SYN2: variants seen among roughly 807,000 people sequenced by gnomAD.
SYN2 encodes the protein synapsin II, also known as synapsin-2.
Under a neutral mutation model 50.9 loss-of-function variants are expected in SYN2, and 19 were observed. The observed-to-expected ratio is 0.37, with a 90% confidence interval of 0.26 to 0.55. The LOEUF (loss-of-function observed/expected upper bound fraction) is 0.55. Among genes scored for constraint, SYN2 ranks in the 20% least tolerant of loss-of-function variants. SYN2 has a pLI of 0.81. For synonymous variants in SYN2, 255 were observed against 224.9 expected (o/e 1.13, Z -1.20); for missense variants, 587 against 576.4 (o/e 1.02, Z -0.19).
chr3:12,140,536 T>C, intron 1 of SYN2, 115 bp from the exon 2 acceptor site: 1 of 709,336 alleles, frequency 1.4e-6, no homozygotes, highest in Admixed American at 2.0e-5. Flanking sequence ...AACCCAGGTC[T>C]CTTGACCCTC....
chr3:12,117,726 C>T (rs568490943), intron 1 of SYN2, among the ~76,000 whole-genome samples: 4 of 152,316 alleles, frequency 2.6e-5, no homozygotes, highest in Middle Eastern at 3.4e-3. Context: ...AGTTTTAAAT[C>T]TTCTCCTCTG....
chr3:12,037,274 CT>C (rs1204597033), intron 1 of SYN2, among the ~76,000 whole-genome samples: 2 of 152,176 alleles, frequency 1.3e-5, no homozygotes, highest in Non-Finnish European at 2.9e-5. Flanking sequence ...TTTTTCTAGC[CT>C]GCTTCTCCAG....
At chr3:12,072,661 C>T (rs1695382842) in intron 1 of SYN2, among the ~76,000 whole-genome samples, 2 of 152,128 alleles carry the variant, frequency 1.3e-5, no homozygotes, top group African/African-American at 4.8e-5. Flanking sequence ...CTGGGTTTCT[C>T]CTATTTATGT....
intron 11 of SYN2, chr3:12,183,853 C>G (rs2289708): frequency 0.043 from 44,066 of 1,025,818 alleles, 1,908 homozygotes; most frequent in African/African-American, 0.2. Flanking sequence ...TCTCCTCCCC[C>G]CAAGCTCAGT....
rs540901327 is a variant in SYN2 at position 12,007,976 on chromosome 3, C to G, written c.377+3048C>G. Among the ~76,000 whole-genome samples, 11 of 152,256 alleles carry G rather than the reference C, an allele frequency of 7.2e-5. No individual in the cohort carries two copies. The South Asian group carries it at 1.9e-3, about 26-fold the overall frequency. On this transcript the variant is annotated intron_variant, in intron 1 of 12. Coordinates refer to ENST00000621198, the MANE Select transcript of SYN2 (RefSeq NM_133625.6). ...TGCCATTAAAAATTGAAATCAAGCT[C>G]TTTATATACCTTATTATTTATTATT... is the stretch of plus-strand genomic sequence containing the variant.
At chr3:12,109,913 G>T (rs145579213) in intron 1 of SYN2, among the ~76,000 whole-genome samples, 1 of 152,110 alleles carries the variant, frequency 6.6e-6, no homozygotes. Context: ...TGATATACTG[G>T]GCACAGTGGC....
intron 1 of SYN2, among the ~76,000 whole-genome samples, chr3:12,020,741 C>G (rs559080739): frequency 3.9e-5 from 6 of 152,056 alleles, no homozygotes; most frequent in African/African-American, 1.4e-4. Context: ...TTTGAGGTTT[C>G]CCATGTACTT....
intron 1 of SYN2, among the ~76,000 whole-genome samples, chr3:12,127,236 G>A (rs1180737482): frequency 1.3e-5 from 2 of 152,162 alleles, no homozygotes; most frequent in Admixed American, 6.5e-5. Context: ...ATCATTAGAG[G>A]TGGCTGAAAG....
intron 12 of SYN2, among the ~76,000 whole-genome samples, chr3:12,188,376 T>C (rs1219470779): frequency 6.6e-6 from 1 of 152,238 alleles, no homozygotes; most frequent in Non-Finnish European, 1.5e-5. Context: ...AGGCCTCTGA[T>C]TGCTTGTGCA....
chr3:12,162,506 C>T (rs1463059427), intron 7 of SYN2, among the ~76,000 whole-genome samples: 1 of 152,198 alleles, frequency 6.6e-6, no homozygotes, highest in Non-Finnish European at 1.5e-5. Flanking sequence ...CTCATTCCTA[C>T]TTTAAAATAA....
rs553509411 is a variant in SYN2 at position 12,028,095 on chromosome 3, A to G, written c.377+23167A>G. Among the ~76,000 whole-genome samples, 56 of 118,124 alleles carry G rather than the reference A, an allele frequency of 4.7e-4. 1 individual carries two copies. The highest frequency in any genetic ancestry group is 1.2e-3 in the African/African-American group (36 of 29,970). 77.5% of individuals were successfully genotyped at this position (118,124 alleles called of 152,430 possible). On this transcript the variant is annotated intron_variant, in intron 1 of 12. Transcript: ENST00000621198. ...TGTGTCCATGTGATCTCATTGTTCAATTCCCACCTATGAGTGAGAATATGC... is the reference window on the plus strand; with the variant it reads ...TGTGTCCATGTGATCTCATTGTTCAGTTCCCACCTATGAGTGAGAATATGC...
intron 12 of SYN2, among the ~76,000 whole-genome samples, chr3:12,189,330 T>A (rs544799116): frequency 6.6e-6 from 1 of 152,188 alleles, no homozygotes; most frequent in Non-Finnish European, 1.5e-5. Flanking sequence ...GAACCACTAG[T>A]CTCTCAAGGG....
chr3:12,033,363 G>A (rs1358878641), intron 1 of SYN2, among the ~76,000 whole-genome samples: 3 of 152,138 alleles, frequency 2.0e-5, no homozygotes, highest in Non-Finnish European at 2.9e-5. Context: ...GTTCCTATTC[G>A]GCTGGTTATA....
chr3:12,085,246 G>T (rs768013645), intron 1 of SYN2, among the ~76,000 whole-genome samples: 2 of 151,690 alleles, frequency 1.3e-5, no homozygotes, highest in Non-Finnish European at 2.9e-5. Context: ...AGACAAAATA[G>T]ACTTTAATTC....
chr3:12,123,970 C>T (rs1696614613), intron 1 of SYN2, among the ~76,000 whole-genome samples: 1 of 152,034 alleles, frequency 6.6e-6, no homozygotes, highest in Non-Finnish European at 1.5e-5. Flanking sequence ...ATGATCACAC[C>T]ACTACACTCC....
chr3:12,005,652 G>A (rs1693786128), intron 1 of SYN2, among the ~76,000 whole-genome samples: 1 of 150,634 alleles, frequency 6.6e-6, no homozygotes, highest in South Asian at 2.1e-4. Context: ...GTGAATGGTA[G>A]CTTTTTCTAG....
intron 10 of SYN2, among the ~76,000 whole-genome samples, chr3:12,182,388 A>G (rs954890881): frequency 6.6e-6 from 1 of 152,146 alleles, no homozygotes; most frequent in Admixed American, 6.5e-5. Flanking sequence ...TTCACAGAAC[A>G]TTTCCCTTGT....
rs1240829818 is a variant in SYN2 at position 12,071,535 on chromosome 3, T to C, written c.377+66607T>C. ...TATCAGCACTTGATTGTAGAACTTG[T>C]TGCTGATTTTGACCTTGTATTCAAG... On this transcript the variant is annotated intron_variant, in intron 1 of 12. Coordinates refer to ENST00000621198, the MANE Select transcript of SYN2 (RefSeq NM_133625.6). The C allele has an allele frequency of 3.4e-5, 12 of 355,106 alleles. No homozygotes were observed. The Admixed American group carries it at 3.7e-4, about 11-fold the overall frequency. The allele number at this position is 355,106 out of a possible 1,614,324, so 22.0% of individuals were successfully genotyped here. A position where few individuals can be genotyped will look rare whatever the true frequency, so the allele number is the denominator to read the frequency against.
intron 1 of SYN2, among the ~76,000 whole-genome samples, chr3:12,125,165 C>G (rs960685952): frequency 6.6e-6 from 1 of 152,088 alleles, no homozygotes; most frequent in Admixed American, 6.5e-5. Context: ...CAGGCGTGTG[C>G]CACCATGCTT....
Sources: allele counts gnomAD v4.1 joint callset (sites outside exome capture counted in the v4.1 genomes callset), GRCh38; gene constraint gnomAD v4.1.1; transcripts MANE v1.5; gene names NCBI Gene and HGNC (gene_info 2026-07-23, HGNC 2026-07-21).